The following PDE1C variants were observed in gnomAD, a reference collection of about 807,000 sequenced individuals.
PDE1C encodes the protein phosphodiesterase 1C, also known as dual specificity calcium/calmodulin-dependent 3',5'-cyclic nucleotide phosphodiesterase 1C.
A neutral mutation model predicts 93.1 loss-of-function variants in PDE1C; 62 were observed. The observed-to-expected ratio is 0.67, with a 90% CI of 0.54 to 0.82. The LOEUF (loss-of-function observed/expected upper bound fraction) is 0.82, where lower values mean the gene tolerates loss of function less well. Ranked by LOEUF, PDE1C falls within the 40% of genes least tolerant of loss-of-function variation. The pLI, the probability that PDE1C is intolerant of heterozygous loss-of-function variation, is 0.00. For missense variants in PDE1C, 742 were observed against 884.6 expected (o/e 0.84, Z 2.04); for synonymous variants, 325 against 310.1 (o/e 1.05, Z -0.50).
chr7:32,243,949 G>A (rs1359817984), intron 1 of PDE1C, among the ~76,000 whole-genome samples: 1 of 152,192 alleles, frequency 6.6e-6, no homozygotes, highest in African/African-American at 2.4e-5. Flanking sequence ...AGATTTACAT[G>A]TCAGTGAGTT....
chr7:31,991,587 G>A (rs1784146430), intron 2 of PDE1C, among the ~76,000 whole-genome samples: 1 of 152,200 alleles, frequency 6.6e-6, no homozygotes, highest in Non-Finnish European at 1.5e-5. Context: ...CGTAAAGCCT[G>A]GGACCGAGCA....
intron 1 of PDE1C, among the ~76,000 whole-genome samples, chr7:32,270,477 T>C (rs1810886383): frequency 6.6e-6 from 1 of 152,158 alleles, no homozygotes; most frequent in South Asian, 2.1e-4. Context: ...TAATTTCAAA[T>C]GTGACCACTC....
chr7:31,784,568 T>C (rs1783720849), intron 16 of PDE1C: 1 of 151,678 alleles, frequency 6.6e-6, no homozygotes, highest in South Asian at 2.1e-4. Context: ...ATGGGTTACC[T>C]GGACAGAAGC....
At chr7:32,209,184 G>C (rs770397691) in intron 2 of PDE1C, among the ~76,000 whole-genome samples, 2 of 152,168 alleles carry the variant, frequency 1.3e-5, no homozygotes, top group African/African-American at 4.8e-5. Flanking sequence ...GTGGTCGGGG[G>C]ACTGAGGCTT....
chr7:32,084,986 AAGAAACAACTAAAATC>A (rs1348941120), intron 3 of PDE1C, among the ~76,000 whole-genome samples: 1 of 134,614 alleles, frequency 7.4e-6, no homozygotes, highest in African/African-American at 2.9e-5. Context: ...AGCAGAAGGC[AAGAAACAACTAAAATC>A]AGAGCAGAAC....
rs185083355 is a variant in PDE1C at position 31,910,281 on chromosome 7, C to A, written c.129-29421G>T. On this transcript the variant is annotated intron_variant, in intron 2 of 17. Transcript: ENST00000396191. ...TTTCAACTTTGCACAGTTCTTCAGG[C>A]AGTATTCTTTCCAACTGCTTGCCAG... is the stretch of plus-strand genomic sequence containing the variant. Among the ~76,000 whole-genome samples the A allele has an allele frequency of 5.4e-4, 82 of 152,272 alleles. 2 individuals are homozygous for A. The Middle Eastern group carries it at 0.024, about 44-fold the overall frequency.
intron 3 of PDE1C, among the ~76,000 whole-genome samples, chr7:32,092,216 G>A (rs1797511312): frequency 6.6e-6 from 1 of 152,148 alleles, no homozygotes; most frequent in African/African-American, 2.4e-5. Flanking sequence ...TAGAAAAAGA[G>A]GAAGGAAAGA....
chr7:32,121,385 C>T (rs1584801206), intron 3 of PDE1C, among the ~76,000 whole-genome samples: 2 of 152,142 alleles, frequency 1.3e-5, no homozygotes, highest in Non-Finnish European at 1.5e-5. Flanking sequence ...AGAGACACCA[C>T]CAAGATACTC....
intron 16 of PDE1C, among the ~76,000 whole-genome samples, chr7:31,790,981 G>A (rs542953628): frequency 6.6e-6 from 1 of 152,246 alleles, no homozygotes; most frequent in Non-Finnish European, 1.5e-5. Flanking sequence ...TGCTCTGCAA[G>A]TCATCATGCC....
chr7:32,156,679 A>C (rs1377517852), intron 3 of PDE1C, among the ~76,000 whole-genome samples: 3 of 152,234 alleles, frequency 2.0e-5, no homozygotes, highest in African/African-American at 7.2e-5. Flanking sequence ...AAATGTAGAA[A>C]GGGAGAGAAA....
intron 3 of PDE1C, among the ~76,000 whole-genome samples, chr7:32,155,025 G>A (rs772228608): frequency 1.3e-5 from 2 of 152,240 alleles, no homozygotes; most frequent in Non-Finnish European, 2.9e-5. Flanking sequence ...CAGGCATGAG[G>A]AAATGGCAGG....
chr7:31,986,364 TA>T (rs1278933631), intron 2 of PDE1C, among the ~76,000 whole-genome samples: 7 of 152,312 alleles, frequency 4.6e-5, no homozygotes, highest in Admixed American at 1.3e-4. Flanking sequence ...GGACCCACTC[TA>T]ATCCAGGATG....
intron 2 of PDE1C, among the ~76,000 whole-genome samples, chr7:31,994,437 C>G (rs754871525): frequency 1.3e-4 from 20 of 152,080 alleles, no homozygotes; most frequent in Non-Finnish European, 2.5e-4. Flanking sequence ...AGTAGGTTTG[C>G]TATCTATGAG....
chr7:31,814,781 A>G (rs10247918), intron 15 of PDE1C, among the ~76,000 whole-genome samples: 79,254 of 149,900 alleles, frequency 0.53, 23,364 homozygotes, highest in Non-Finnish European at 0.66. Context: ...TGAAGGTTCC[A>G]TGAGGCCTGT....
the PDE1C span, among the ~76,000 whole-genome samples, chr7:31,730,108 C>G: frequency 6.6e-6 from 1 of 152,160 alleles, no homozygotes; most frequent in Non-Finnish European, 1.5e-5. Context: ...TTTAAAGCAT[C>G]TGATTCCCCT....
rs1360511821 is a variant in PDE1C at position 32,394,800 on chromosome 7, C to T, written c.310+33022G>A. Among the ~76,000 whole-genome samples, 4 of 152,108 alleles carry T rather than the reference C, an allele frequency of 2.6e-5. No individual in the cohort carries two copies. The South Asian group carries it at 6.2e-4, about 24-fold the overall frequency. On this transcript the variant is annotated intron_variant, in intron 1 of 1. Coordinates refer to the PDE1C transcript ENST00000672256. ...CTGCACTCCAGCCTGGGTGACAGAG[C>T]GAGACCCTGTCTGAAAAAAATATCT... is the stretch of plus-strand genomic sequence containing the variant.
the PDE1C span, chr7:31,652,008 G>T: frequency 6.2e-7 from 1 of 1,604,996 alleles, no homozygotes; most frequent in African/African-American, 1.3e-5. Flanking sequence ...TGGAATTTCA[G>T]TTAGGAGACC....
At chr7:31,946,783 C>T (rs1806674792) in intron 2 of PDE1C, among the ~76,000 whole-genome samples, 1 of 152,192 alleles carries the variant, frequency 6.6e-6, no homozygotes, top group South Asian at 2.1e-4. Flanking sequence ...TCTTTTGACT[C>T]CACCGGACTT....
At chr7:31,617,910 A>G in the PDE1C span, among the ~76,000 whole-genome samples, 3 of 152,228 alleles carry the variant, frequency 2.0e-5, no homozygotes, top group Non-Finnish European at 2.9e-5. Flanking sequence ...CAGGAAAAGA[A>G]GATAAAGTCC....
Sources: gnomAD v4.1 joint callset for allele counts (sites outside exome capture counted in the v4.1 genomes callset) on GRCh38, gnomAD v4.1.1 for gene constraint, MANE v1.5 for transcripts, NCBI Gene and HGNC (gene_info 2026-07-23, HGNC 2026-07-21) for gene names.